The following ACSL6 variants were observed in gnomAD, a reference collection of about 807,000 sequenced individuals.
The protein encoded by ACSL6 is long-chain-fatty-acid--CoA ligase 6.
ACSL6 carries 47 observed loss-of-function variants against 98.2 expected under a neutral mutation model. That is an observed-to-expected ratio of 0.48 (90% CI 0.38 to 0.61). The LOEUF is 0.61. Among genes scored for constraint, ACSL6 ranks in the 20% least tolerant of loss-of-function variants. The pLI, the probability that ACSL6 is intolerant of heterozygous loss-of-function variation, is 0.00. For synonymous variants in ACSL6, 362 were observed against 336.9 expected (o/e 1.07, Z -0.82); for missense variants, 761 against 913.4 (o/e 0.83, Z 2.15).
At position 131,962,529 on chromosome 5, in the gene ACSL6, C is replaced by A. The variant is rs922637486; in HGVS notation, c.1857+6G>T. On this transcript the variant is annotated splice_donor_region_variant and intron_variant, in intron 18 of 20. Coordinates refer to ENST00000651883, the MANE Select transcript of ACSL6 (RefSeq NM_001009185.3). ...ATGTGGGAGGGCTGAAGCCTAGAGG[C>A]CTCACCTTTAAGCTGTCCCCATGGA... 1 of 1,611,338 alleles carries A rather than the reference C, an allele frequency of 6.2e-7. No individual in the cohort carries two copies. The highest frequency in any genetic ancestry group is 8.5e-7 in the Non-Finnish European group (1 of 1,178,134).
At chr5:132,004,298 T>C (rs1405459365) in intron 1 of ACSL6, among the ~76,000 whole-genome samples, 3 of 151,814 alleles carry the variant, frequency 2.0e-5, no homozygotes, top group Non-Finnish European at 2.9e-5. Flanking sequence ...GAGCTGCCTA[T>C]TAACCACAGC....
At chr5:131,981,044 G>A (rs891888719) in intron 9 of ACSL6, among the ~76,000 whole-genome samples, 3 of 151,984 alleles carry the variant, frequency 2.0e-5, no homozygotes, top group Non-Finnish European at 2.9e-5. Flanking sequence ...AGGACTCCCC[G>A]CATCTTCCTG....
At chr5:132,011,685 C>G (rs951168966), upstream of ACSL6, 4 of 1,269,344 alleles carry the variant, frequency 3.2e-6, no homozygotes, top group Non-Finnish European at 4.0e-6. The surrounding 1 kb of genome is among the most constrained non-coding windows in gnomAD (Gnocchi z 5.4). Flanking sequence ...CCCCGCCCTC[C>G]GGCCCCGCAG....
At chr5:132,010,470 A>G (rs1294843706) in intron 1 of ACSL6, among the ~76,000 whole-genome samples, 2 of 152,212 alleles carry the variant, frequency 1.3e-5, no homozygotes, top group African/African-American at 4.8e-5. Flanking sequence ...ATTAAATAAC[A>G]CGTACAAAGC....
chr5:131,997,648 C>G (rs916554870), intron 1 of ACSL6, among the ~76,000 whole-genome samples: 1 of 152,232 alleles, frequency 6.6e-6, no homozygotes, highest in Non-Finnish European at 1.5e-5. Flanking sequence ...ACCATCTTCT[C>G]CTGGCTGAGT....
intron 1 of ACSL6, among the ~76,000 whole-genome samples, chr5:131,995,408 T>G (rs1214387923): frequency 1.3e-5 from 2 of 152,138 alleles, no homozygotes; most frequent in Non-Finnish European, 2.9e-5. Context: ...CCCCCTCATG[T>G]CACTGCCTAG....
At chr5:131,983,064 G>C (rs1753988056) in intron 9 of ACSL6, 1 of 152,214 alleles carries the variant, frequency 6.6e-6, no homozygotes, top group Non-Finnish European at 1.5e-5. Flanking sequence ...TTTTTTAAAA[G>C]CACTGTATTT....
chr5:131,980,537 T>C (rs1753837263), intron 9 of ACSL6, among the ~76,000 whole-genome samples: 1 of 152,196 alleles, frequency 6.6e-6, no homozygotes, highest in Admixed American at 6.5e-5. Context: ...CTGGGGATGA[T>C]GGGCACTTAC....
intron 1 of ACSL6, among the ~76,000 whole-genome samples, chr5:132,010,867 G>C (rs1755681376): frequency 6.6e-6 from 1 of 152,162 alleles, no homozygotes; most frequent in African/African-American, 2.4e-5. Flanking sequence ...ATCGAGCAGG[G>C]GTCCTTGTAG....
chr5:131,960,483 T>A (rs1213899038), intron 19 of ACSL6, 37 bp downstream of exon 19: 1 of 1,562,298 alleles, frequency 6.4e-7, no homozygotes. Flanking sequence ...CATAAAACAT[T>A]CAGTAACCTT....
At chr5:131,989,566 G>A in intron 4 of ACSL6, 58 bp from the exon 5 acceptor site, 1 of 685,892 alleles carries the variant, frequency 1.5e-6, no homozygotes, top group Admixed American at 2.4e-5. Context: ...AGGGGAAGGA[G>A]ATCCCCAGGA....
intron 17 of ACSL6, among the ~76,000 whole-genome samples, chr5:131,966,048 T>A (rs889054370): frequency 2.0e-5 from 3 of 152,202 alleles, no homozygotes; most frequent in African/African-American, 7.2e-5. Flanking sequence ...CGGGCCAGCA[T>A]TGGAGGGCTT....
intron 15 of ACSL6, among the ~76,000 whole-genome samples, chr5:131,968,481 G>A (rs17132147): frequency 0.013 from 2,007 of 152,274 alleles, 29 homozygotes; most frequent in African/African-American, 0.033. Flanking sequence ...TGGAAATCTA[G>A]AAATCATAAG....
At chr5:131,988,366 A>T in intron 6 of ACSL6, 140 bp from the exon 7 acceptor site, 1 of 1,292,528 alleles carries the variant, frequency 7.7e-7, no homozygotes, top group Non-Finnish European at 1.1e-6. Context: ...TACATAAGAC[A>T]GGCCTCGTGT....
intron 10 of ACSL6, 105 bp downstream of exon 10, chr5:131,976,543 A>AG (rs1181256828): frequency 0.011 from 10,702 of 961,166 alleles, 1 homozygote; most frequent in Non-Finnish European, 0.015. Context: ...GGTTATATCA[A>AG]GAAAAAAAAA....
At chr5:132,004,895 C>T (rs1420496566) in intron 1 of ACSL6, among the ~76,000 whole-genome samples, 1 of 152,132 alleles carries the variant, frequency 6.6e-6, no homozygotes. Context: ...AATCCCAGCA[C>T]TTTGGGAGGC....
At position 131,983,795 on chromosome 5, in the gene ACSL6, C is replaced by A. The variant is rs147076117; in HGVS notation, c.916+1612G>T. ...CCCTATACATTCTGCTTCCACCACA[C>A]AGAGCTTGAGCAGGATGGCTCAGCT... On this transcript the variant is annotated intron_variant, in intron 9 of 20. Transcript: ENST00000651883. 7 of 152,436 alleles carry A rather than the reference C, an allele frequency of 4.6e-5. No homozygotes were observed. The East Asian group carries it at 1.3e-3, about 29-fold the overall frequency. 9.4% of individuals were successfully genotyped at this position (152,436 alleles called of 1,614,324 possible). A position where few individuals can be genotyped will look rare whatever the true frequency, so the allele number is the denominator to read the frequency against.
intron 9 of ACSL6, among the ~76,000 whole-genome samples, chr5:131,980,321 CTT>C (rs1753823641): frequency 1.3e-5 from 2 of 152,186 alleles, no homozygotes; most frequent in Admixed American, 6.5e-5. Flanking sequence ...AAAAATCAGA[CTT>C]GAGGGCTAGT....
At position 131,989,864 on chromosome 5, in the gene ACSL6, G is replaced by T. The variant is rs1580678535; in HGVS notation, c.450+236C>A. Among the ~76,000 whole-genome samples, 3 of 152,330 alleles carry T rather than the reference G, an allele frequency of 2.0e-5. No individual in the cohort carries two copies. In the South Asian group the frequency reaches 6.2e-4, roughly 32 times the overall value. ...CCGCCTTGGCCTCCCAAAGTGCTGG[G>T]ATTACAGGCATGAGCCACCACGCCC... On this transcript the variant is annotated intron_variant, in intron 4 of 20. Coordinates refer to ENST00000651883, the MANE Select transcript of ACSL6 (RefSeq NM_001009185.3).
Sources: gnomAD v4.1 joint callset for allele counts (sites outside exome capture counted in the v4.1 genomes callset) on GRCh38, gnomAD v4.1.1 for gene constraint, Gnocchi (gnomAD v3.1) non-coding constraint, MANE v1.5 for transcripts, NCBI Gene and HGNC (gene_info 2026-07-23, HGNC 2026-07-21) for gene names.